The following DCC variants were observed in gnomAD, a reference collection of about 807,000 sequenced individuals.
DCC encodes the protein DCC netrin 1 receptor, also known as netrin receptor DCC.
In DCC, 58 loss-of-function variants were observed where a neutral mutation model predicts 172.5. The ratio of observed to expected loss-of-function variants is 0.34; its 90% CI spans 0.27 to 0.42. DCC has a LOEUF of 0.42. DCC is among the 10% of genes least tolerant of loss of function. The pLI is 1.00. For missense variants in DCC, 1,740 were observed against 1,791.0 expected (o/e 0.97, Z 0.51); for synonymous variants, 709 against 644.5 (o/e 1.10, Z -1.52).
At chr18:52,558,845 G>T (rs2032974285) in intron 1 of DCC, among the ~76,000 whole-genome samples, 2 of 152,228 alleles carry the variant, frequency 1.3e-5, no homozygotes, top group East Asian at 3.9e-4. Context: ...AAATTAACTG[G>T]TGAACACATA....
chr18:52,564,402 A>G (rs1964583925), intron 1 of DCC, among the ~76,000 whole-genome samples: 1 of 152,076 alleles, frequency 6.6e-6, no homozygotes, highest in Non-Finnish European at 1.5e-5. Flanking sequence ...AAAGTTCTTA[A>G]GCATGCACTA....
At chr18:52,937,566 G>A (rs560537291) in intron 5 of DCC, among the ~76,000 whole-genome samples, 1 of 152,220 alleles carries the variant, frequency 6.6e-6, no homozygotes, top group African/African-American at 2.4e-5. Context: ...CTGAGGTGCA[G>A]TGGCGTGATC....
At chr18:52,709,759 T>A (rs1385847206) in intron 1 of DCC, among the ~76,000 whole-genome samples, 1 of 152,188 alleles carries the variant, frequency 6.6e-6, no homozygotes, top group Non-Finnish European at 1.5e-5. Context: ...AAAATGGACT[T>A]CGAAACCATT....
chr18:53,041,346 C>A (rs991378381), intron 5 of DCC, among the ~76,000 whole-genome samples: 1 of 151,726 alleles, frequency 6.6e-6, no homozygotes, highest in African/African-American at 2.4e-5. Context: ...ATTTCTGAAG[C>A]CTCTGTTTTA....
chr18:52,917,659 C>A (rs1336193234), intron 3 of DCC, among the ~76,000 whole-genome samples: 1 of 152,156 alleles, frequency 6.6e-6, no homozygotes, highest in Non-Finnish European at 1.5e-5. Context: ...GGTGGTTCCA[C>A]ATTTTAAGGC....
intron 1 of DCC, among the ~76,000 whole-genome samples, chr18:52,588,292 G>A (rs1390139633): frequency 6.6e-6 from 1 of 152,140 alleles, no homozygotes; most frequent in African/African-American, 2.4e-5. Context: ...GGATCTGCTG[G>A]TTCCTATGGC....
intron 12 of DCC, among the ~76,000 whole-genome samples, chr18:53,268,889 A>G (rs970876134): frequency 7.9e-5 from 12 of 152,202 alleles, no homozygotes; most frequent in Non-Finnish European, 8.8e-5. Context: ...ACAAGGAACT[A>G]GGGCTGCAAA....
At chr18:53,439,769 C>CTTTTTTTTTTTTT (rs1292726340) in intron 22 of DCC, among the ~76,000 whole-genome samples, 5 of 127,248 alleles carry the variant, frequency 3.9e-5, no homozygotes, top group Non-Finnish European at 8.5e-5. Context: ...TAGTATTTTT[C>CTTTTTTTTTTTTT]TTTTTTTTTT....
chr18:53,150,525 C>T (rs543853693), intron 7 of DCC, among the ~76,000 whole-genome samples: 1 of 152,152 alleles, frequency 6.6e-6, no homozygotes, highest in Non-Finnish European at 1.5e-5. Context: ...AATAGGATCA[C>T]AACAACAATA....
At chr18:52,613,657 A>G (rs1013479942) in intron 1 of DCC, among the ~76,000 whole-genome samples, 1 of 152,182 alleles carries the variant, frequency 6.6e-6, no homozygotes, top group Non-Finnish European at 1.5e-5. Context: ...ACATCAATCT[A>G]TGGATCAAAT....
intron 1 of DCC, among the ~76,000 whole-genome samples, chr18:52,536,457 G>A (rs2032292721): frequency 6.6e-6 from 1 of 152,078 alleles, no homozygotes; most frequent in Middle Eastern, 3.2e-3. Flanking sequence ...TTTCCTCACA[G>A]ATCCAAAGAA....
chr18:52,353,021 A>T lies in DCC; in HGVS notation c.91+12143A>T, dbSNP rs557504439. Among the ~76,000 whole-genome samples the T allele has an allele frequency of 3.3e-4, 51 of 152,306 alleles. 2 individuals carry two copies. In the South Asian group the frequency reaches 0.01, roughly 31 times the overall value. On this transcript the variant is annotated intron_variant, in intron 1 of 28. Transcript: ENST00000442544. ...CTTGCCTCTATTCTTCACAATTGTA[A>T]GTAATCATGTAGTCAATGGGAAACT...
intron 1 of DCC, among the ~76,000 whole-genome samples, chr18:52,738,285 C>A (rs2036759312): frequency 6.6e-6 from 1 of 152,106 alleles, no homozygotes; most frequent in Non-Finnish European, 1.5e-5. Context: ...TGTCATTGTG[C>A]AAACATCATA....
chr18:52,507,961 C>T (rs559516369), intron 1 of DCC, among the ~76,000 whole-genome samples: 1 of 151,996 alleles, frequency 6.6e-6, no homozygotes. Context: ...ATTAGCCGTG[C>T]ATGGTGGCAG....
At chr18:52,866,463 C>G (rs1399715483) in intron 2 of DCC, among the ~76,000 whole-genome samples, 1 of 152,214 alleles carries the variant, frequency 6.6e-6, no homozygotes, top group Admixed American at 6.5e-5. Context: ...AGCATTGAAT[C>G]TATAAATTAC....
At chr18:52,511,975 T>A (rs564715244) in intron 1 of DCC, among the ~76,000 whole-genome samples, 13 of 152,196 alleles carry the variant, frequency 8.5e-5, no homozygotes, top group Admixed American at 2.0e-4. Context: ...TTATATGATG[T>A]GTAAAGCCTG....
chr18:53,471,579 T>C (rs188868895), intron 25 of DCC, among the ~76,000 whole-genome samples: 8 of 152,324 alleles, frequency 5.3e-5, no homozygotes, highest in Admixed American at 3.3e-4. Flanking sequence ...ATTTAGTCTC[T>C]GGGTTTATCC....
At chr18:53,442,665 A>T (rs1461633367) in intron 22 of DCC, among the ~76,000 whole-genome samples, 1 of 152,236 alleles carries the variant, frequency 6.6e-6, no homozygotes, top group Non-Finnish European at 1.5e-5. Flanking sequence ...AGTGATGAAG[A>T]CATGTCAAAA....
chr18:53,074,713 G>C (rs535173253), intron 7 of DCC, among the ~76,000 whole-genome samples: 1 of 152,122 alleles, frequency 6.6e-6, no homozygotes, highest in Admixed American at 6.5e-5. Context: ...ATCTAAGTTT[G>C]GCATAAAGCA....
Sources: gnomAD v4.1 joint callset for allele counts (sites outside exome capture counted in the v4.1 genomes callset) on GRCh38, gnomAD v4.1.1 for gene constraint, MANE v1.5 for transcripts, NCBI Gene and HGNC (gene_info 2026-07-23, HGNC 2026-07-21) for gene names.